The following SDK2 variants were observed in gnomAD, a reference collection of about 807,000 sequenced individuals.
SDK2 encodes protein sidekick-2.
Under a neutral mutation model 253.9 loss-of-function variants are expected in SDK2, and 105 were observed. The observed-to-expected ratio is 0.41, with a 90% confidence interval of 0.35 to 0.49. SDK2 has a LOEUF of 0.49. Among genes scored for constraint, SDK2 ranks in the 20% least tolerant of loss-of-function variants. The pLI is 0.06. For missense variants in SDK2, 2,608 were observed against 3,003.0 expected, an observed-to-expected ratio of 0.87 and a Z score of 3.07; for synonymous variants, 1,249 against 1,234.9, an observed-to-expected ratio of 1.01 and a Z score of -0.24.
rs549369129 is a variant in SDK2 at position 73,444,287 on chromosome 17, C to T, written c.613+3328G>A. Among the ~76,000 whole-genome samples, 15 of 152,206 alleles carry T rather than the reference C, an allele frequency of 9.9e-5. 1 individual carries two copies. Among genetic ancestry groups the T allele is most frequent in the South Asian group, 4.2e-4 (2 of 4,818 alleles). On this transcript the variant is annotated intron_variant, in intron 5 of 44. Transcript: ENST00000392650. The stretch of plus-strand genomic sequence containing the variant: ...CATGGCGTGGCTCCCTGGGAGACAG[C>T]GGGAGTTGAGTGGGTCTCAGAGAAG...
intron 29 of SDK2, among the ~76,000 whole-genome samples, chr17:73,388,863 T>G (rs1339438758): frequency 1.1e-5 from 1 of 94,354 alleles, no homozygotes; most frequent in Non-Finnish European, 2.2e-5. Context: ...TCTTTCTCCC[T>G]CTCTTTTCTC....
intron 13 of SDK2, 131 bp from the exon 14 acceptor site, chr17:73,423,653 G>A (rs762298929): frequency 3.6e-6 from 4 of 1,123,512 alleles, no homozygotes; most frequent in Non-Finnish European, 3.6e-6. Flanking sequence ...TGTGGCCTTC[G>A]GGCCATCTAC....
chr17:73,350,531 C>A, intron 42 of SDK2, 119 bp downstream of exon 42: 2 of 1,404,832 alleles, frequency 1.4e-6, no homozygotes, highest in Non-Finnish European at 1.9e-6. Context: ...GCTGCCCCAC[C>A]CACCAGAGCA....
At position 73,447,893 on chromosome 17, in the gene SDK2, AC is replaced by A. The variant is rs560924723; in HGVS notation, c.480-146del. Reference sequence around the variant, plus strand: ...GGCCCCTCCTGCCACCCCCTCCCCAACCTCTTACTGCCTACATCCCGCCACG... The same window carrying A: ...GGCCCCTCCTGCCACCCCCTCCCCAACTCTTACTGCCTACATCCCGCCACG... On this transcript the variant is annotated intron_variant, in intron 4 of 44. Coordinates refer to ENST00000392650, the MANE Select transcript of SDK2 (RefSeq NM_001144952.2). This position sits in a 1 kb window ranked among gnomAD's most constrained non-coding sequence, Gnocchi z 4.0. The A allele has an allele frequency of 3.3e-4, 283 of 857,846 alleles. 1 individual carries two copies. The African/African-American group carries it at 4.4e-3, about 13-fold the overall frequency. The allele number at this position is 857,846 out of a possible 1,614,324, so 53.1% of individuals were successfully genotyped here.
intron 32 of SDK2, among the ~76,000 whole-genome samples, chr17:73,385,027 G>T (rs2062860972): frequency 6.6e-6 from 1 of 152,158 alleles, no homozygotes; most frequent in African/African-American, 2.4e-5. Flanking sequence ...CTCAGGCTGG[G>T]GGGACCCTCC....
chr17:73,448,663 C>CT lies in SDK2; in HGVS notation c.480-916dup, dbSNP rs796302025. ...ACAGGCGTGAGCCACTGTGCCCAGTCTTTTTTTTTTTTTTGAGACAGAGTT... is the reference window on the plus strand; with the variant it reads ...ACAGGCGTGAGCCACTGTGCCCAGTCTTTTTTTTTTTTTTTGAGACAGAGTT... On this transcript the variant is annotated intron_variant, in intron 4 of 44. Transcript: ENST00000392650. 2.3e-3 allele frequency among the ~76,000 whole-genome samples: 317 copies of CT among 139,240 alleles called. 1 individual carries two copies. The highest frequency in any genetic ancestry group is 0.016 in the East Asian group (75 of 4,716). The allele number at this position is 139,240 out of a possible 152,430, so 91.3% of individuals were successfully genotyped here.
chr17:73,634,974 C>T (rs758388104), intron 1 of SDK2, among the ~76,000 whole-genome samples: 5 of 151,648 alleles, frequency 3.3e-5, no homozygotes, highest in East Asian at 1.9e-4. Context: ...GGGAGTCACC[C>T]GCATTTCAGG....
Position 73,467,518 on chromosome 17 carries a change from CTG to C in SDK2, c.331+4592_331+4593del, listed in dbSNP as rs942212856. ...TGAGTGAGAATGGTTTTGCCAAGTG[CTG>C]TGTTTCCCTAGGCCCAGAATCCCAG... On this transcript the variant is annotated intron_variant, in intron 3 of 44. Coordinates refer to ENST00000392650, the MANE Select transcript of SDK2 (RefSeq NM_001144952.2). This position sits in a 1 kb window ranked among gnomAD's most constrained non-coding sequence, Gnocchi z 4.1. Among the ~76,000 whole-genome samples, 3 of 152,150 alleles carry C rather than the reference CTG, an allele frequency of 2.0e-5. No homozygotes were observed. Among genetic ancestry groups the C allele is most frequent in the Non-Finnish European group, 4.4e-5 (3 of 68,028 alleles).
chr17:73,401,539 C>T, intron 20 of SDK2, 115 bp downstream of exon 20: 1 of 981,940 alleles, frequency 1.0e-6, no homozygotes, highest in Non-Finnish European at 1.6e-6. Flanking sequence ...TCTAAGAAAG[C>T]ATGGGTTGGC....
chr17:73,438,339 C>T (rs969122868), intron 6 of SDK2, among the ~76,000 whole-genome samples, 185 bp from the exon 7 acceptor site: 2 of 152,174 alleles, frequency 1.3e-5, no homozygotes, highest in Non-Finnish European at 2.9e-5. Flanking sequence ...TCACTTTCCT[C>T]TTCTATAAAG....
intron 1 of SDK2, among the ~76,000 whole-genome samples, chr17:73,571,070 G>GTT (rs35554138): frequency 6.1e-5 from 9 of 147,114 alleles, no homozygotes; most frequent in Non-Finnish European, 7.5e-5. Context: ...GGTGGCTCGG[G>GTT]TTTTTTTTTT....
intron 18 of SDK2, among the ~76,000 whole-genome samples, chr17:73,414,173 G>A (rs1200016961): frequency 6.6e-6 from 1 of 151,408 alleles, no homozygotes; most frequent in East Asian, 1.9e-4. Flanking sequence ...TCAGCCTCCC[G>A]AGTAGCTGGG....
chr17:73,340,360 C>T (rs1238764309), intron 44 of SDK2, among the ~76,000 whole-genome samples: 4 of 152,218 alleles, frequency 2.6e-5, no homozygotes, highest in Non-Finnish European at 5.9e-5. Context: ...CTGCCCCTAC[C>T]GGTCACTCCC....
At chr17:73,397,974 T>C (rs1371190876) in intron 24 of SDK2, 61 bp downstream of exon 24, 5 of 1,571,830 alleles carry the variant, frequency 3.2e-6, no homozygotes, top group Non-Finnish European at 4.3e-6. Context: ...GTGCACCTTC[T>C]AGGAGGCAAT....
At chr17:73,354,943 G>A (rs919873283) in intron 40 of SDK2, among the ~76,000 whole-genome samples, 23 of 151,508 alleles carry the variant, frequency 1.5e-4, no homozygotes, top group African/African-American at 5.3e-4. Context: ...CAGCAGAGGC[G>A]CCTCGACACC....
chr17:73,390,507 T>A (rs1301367670), intron 28 of SDK2, 26 bp from the exon 29 acceptor site: 2 of 1,592,290 alleles, frequency 1.3e-6, no homozygotes, highest in Non-Finnish European at 1.7e-6. Flanking sequence ...ACATGGCTAT[T>A]ATGGCAAGCA....
intron 36 of SDK2, among the ~76,000 whole-genome samples, chr17:73,368,918 A>G (rs2062710025): frequency 6.6e-6 from 1 of 151,982 alleles, no homozygotes; most frequent in East Asian, 1.9e-4. Context: ...AGGCTGAGGC[A>G]GGAAAATCAC....
At chr17:73,387,560 CA>C (rs2062883116) in intron 30 of SDK2, among the ~76,000 whole-genome samples, 1 of 152,192 alleles carries the variant, frequency 6.6e-6, no homozygotes, top group African/African-American at 2.4e-5. Context: ...TGAAGGATGA[CA>C]GGCACTTCAC....
chr17:73,530,207 A>T (rs111737752), intron 1 of SDK2, among the ~76,000 whole-genome samples: 2 of 152,296 alleles, frequency 1.3e-5, no homozygotes, highest in African/African-American at 4.8e-5. Flanking sequence ...ACTGCCTGAG[A>T]CTGGGTAATT....
Sources: gnomAD v4.1 joint callset for allele counts (sites outside exome capture counted in the v4.1 genomes callset) on GRCh38, gnomAD v4.1.1 for gene constraint, Gnocchi (gnomAD v3.1) non-coding constraint, MANE v1.5 for transcripts, NCBI Gene and HGNC (gene_info 2026-07-23, HGNC 2026-07-21) for gene names.